IRF3: variants seen among roughly 807,000 people sequenced by gnomAD.
IRF3 encodes interferon regulatory factor 3.
Under a neutral mutation model 43.2 loss-of-function variants are expected in IRF3, and 29 were observed. The ratio of observed to expected loss-of-function variants is 0.67; its 90% confidence interval spans 0.50 to 0.91. The LOEUF is 0.91. Among genes scored for constraint, IRF3 ranks in the 40% least tolerant of loss-of-function variants. IRF3 has a pLI of 0.00. For missense variants in IRF3, 505 were observed against 559.1 expected (o/e 0.90, Z 0.98); for synonymous variants, 228 against 233.9 (o/e 0.97, Z 0.23).
chr19:49,662,112 G>A lies in IRF3; in HGVS notation c.818C>T (p.Ala273Val). 2 of 1,613,794 alleles carry A rather than the reference G, an allele frequency of 1.2e-6. No individual in the cohort carries two copies. The highest frequency in any genetic ancestry group is 1.7e-6 in the Non-Finnish European group (2 of 1,179,760). Residue 273 changes from alanine (A) to valine (V), a missense_variant, in exon 6 of 8, where the codon GCT becomes GTT. Coordinates refer to ENST00000377139, the MANE Select transcript of IRF3 (RefSeq NM_001571.6). ...HVLSCLGGGL[A>V]LWRAGQWLWA... ...GAGCCACTGCCCGGCCCGCCAGAGA[G>A]CCAGTCCCCCACCCAGGCAGCTCAG...
Position 49,663,479 on chromosome 19 carries a change from C to A in IRF3, c.201G>T (p.Gly67=). 1 of 1,614,218 alleles carries A rather than the reference C, an allele frequency of 6.2e-7. No homozygotes were observed. Among genetic ancestry groups the A allele is most frequent in the African/African-American group, 1.3e-5 (1 of 75,056 alleles). ...WAEATGAYVP[G]RDKPDLPTWK... is the part of the protein sequence containing the mutation. ...AGGTTGGCAGGTCTGGCTTATCCCT[C>A]CCGGGAACATATGCACCAGTGGCCT... is the stretch of plus-strand genomic sequence containing the variant. Residue 67 remains glycine (G), a synonymous_variant, in exon 3 of 8, where the codon GGG becomes GGT. Transcript: ENST00000377139.
At chr19:49,664,586 C>T in intron 2 of IRF3, 88 bp downstream of exon 2, 15 of 1,610,118 alleles carry the variant, frequency 9.3e-6, no homozygotes, top group Non-Finnish European at 1.3e-5. Flanking sequence ...TCGCGCGCCA[C>T]CTCCGCCTTC....
At chr19:49,664,974 C>G in intron 1 of IRF3, 128 bp from the exon 2 acceptor site, 1 of 1,010,388 alleles carries the variant, frequency 9.9e-7, no homozygotes, top group East Asian at 2.7e-5. Flanking sequence ...TTCGGGGGTA[C>G]AAACAGGAAA....
At chr19:49,663,584 G>A (rs1568462518) in intron 2 of IRF3, 70 bp from the exon 3 acceptor site, 3 of 1,471,822 alleles carry the variant, frequency 2.0e-6, no homozygotes, top group East Asian at 2.3e-5. Flanking sequence ...CCCTAACCCT[G>A]TCTCCCGAGT....
chr19:49,661,726 C>G, intron 6 of IRF3: 1 of 523,100 alleles, frequency 1.9e-6, no homozygotes, highest in Middle Eastern at 5.2e-4. Flanking sequence ...ATTACAGGCA[C>G]GTGCCACCAC....
Position 49,660,779 on chromosome 19 carries a change from G to A in IRF3, c.1032C>T (p.Leu344=). ...EGSGRSPRYA[L]WFCVGESWPQ... ...GCCATGACTCCCCCACACAGAACCA[G>A]AGGGCATAGCGTGGTGAGCGTCCGC... The change falls in exon 7 of 8, where the codon CTC becomes CTT. Residue 344 remains leucine, a synonymous_variant. Transcript: ENST00000377139. The A allele has an allele frequency of 6.2e-7, 1 of 1,611,156 alleles. No homozygotes were observed. Among genetic ancestry groups the A allele is most frequent in the Non-Finnish European group, 8.5e-7 (1 of 1,178,958 alleles).
intron 7 of IRF3, 58 bp from the exon 8 acceptor site, chr19:49,659,891 T>G (rs146184768): frequency 7.5e-5 from 115 of 1,527,978 alleles, no homozygotes; most frequent in Admixed American, 6.6e-4. Flanking sequence ...TCCACCAAGG[T>G]AGGAGTCAGG....
intron 1 of IRF3, chr19:49,665,420 T>G: frequency 5.4e-6 from 1 of 185,646 alleles, no homozygotes; most frequent in Non-Finnish European, 1.1e-5. Flanking sequence ...TAGAACCCCC[T>G]CAGTGTAGAC....
chr19:49,665,650 C>G lies in IRF3; in HGVS notation c.-28G>C. On this transcript the variant is annotated 5_prime_UTR_variant, in exon 1 of 8. Transcript: ENST00000377139. ...CGTTACCTACGATGGAAGGTCGGGG[C>G]GTGCGGGCAGCTGGAACCCACCCCT... 1.3e-6 allele frequency: 1 copy of G among 782,084 alleles called. No individual in the cohort carries two copies. The highest frequency in any genetic ancestry group is 2.0e-6 in the Non-Finnish European group (1 of 502,484). 48.4% of individuals were successfully genotyped at this position (782,084 alleles called of 1,614,324 possible). A position where few individuals can be genotyped will look rare whatever the true frequency, so the allele number is the denominator to read the frequency against.
At chr19:49,662,837 C>T (rs1278908481) in intron 4 of IRF3, among the ~76,000 whole-genome samples, 2 of 152,214 alleles carry the variant, frequency 1.3e-5, no homozygotes, top group Non-Finnish European at 2.9e-5. Context: ...TGGCTCTATG[C>T]AGGTAAGACC....
At chr19:49,661,660 A>G (rs964367729) in intron 6 of IRF3, 9 of 323,834 alleles carry the variant, frequency 2.8e-5, no homozygotes, top group Admixed American at 4.7e-5. Flanking sequence ...GCTCACTGCA[A>G]TCTCCGCCTC....
In IRF3 at chr19:49,661,952, A is replaced by G. The variant is rs1433710691; in HGVS notation, c.978T>C (p.Ile326=). The change falls in exon 6 of 8, where the codon ATT becomes ATC. Residue 326 remains isoleucine (I), a synonymous_variant. Transcript: ENST00000377139. ...CGAAGCCCCTGTCTCACTCACCTAC[A>G]ATGAAGGGCCCCAGGTCAAACACGC... ...EGGVFDLGPF[I]VDLITFTEGS... 1.9e-6 allele frequency: 3 copies of G among 1,605,468 alleles called. No individual in the cohort carries two copies. The highest frequency in any genetic ancestry group is 1.7e-5 in the Admixed American group (1 of 59,594).
rs776267698 is a variant in IRF3, at chr19:49,663,491, T to C, written c.189A>G (p.Ala63=). 19 of 1,614,022 alleles carry C rather than the reference T, an allele frequency of 1.2e-5. No homozygotes were observed. Among genetic ancestry groups the C allele is most frequent in the Middle Eastern group, 3.3e-4 (2 of 6,074 alleles). The change falls in exon 3 of 8, where the codon GCA becomes GCG. Residue 63 remains alanine (A), a synonymous_variant. Coordinates refer to ENST00000377139, the MANE Select transcript of IRF3 (RefSeq NM_001571.6). ...CTGGCTTATCCCTCCCGGGAACATA[T>C]GCACCAGTGGCCTCGGCCCAGGCCT... ...IFQAWAEATG[A]YVPGRDKPDL...
intron 7 of IRF3, 57 bp from the exon 8 acceptor site, chr19:49,659,890 G>A: frequency 6.5e-7 from 1 of 1,528,670 alleles, no homozygotes; most frequent in Non-Finnish European, 8.8e-7. Context: ...GTCCACCAAG[G>A]TAGGAGTCAG....
chr19:49,661,883 C>A, intron 6 of IRF3, 65 bp downstream of exon 6: 1 of 1,529,624 alleles, frequency 6.5e-7, no homozygotes, highest in Non-Finnish European at 8.8e-7. Flanking sequence ...CCGGCCAATC[C>A]TGAGTTGTTA....
In IRF3 at chr19:49,662,716, C is replaced by G. The variant is rs944058762; in HGVS notation, c.409-99G>C. ...TTCTCAGCAACGCAGGGAGGTCAGG[C>G]TTGAGCTCTGCCTTCAAGGGGCTTC... On this transcript the variant is annotated intron_variant, in intron 4 of 7. Coordinates refer to ENST00000377139, the MANE Select transcript of IRF3 (RefSeq NM_001571.6). 3 of 1,012,920 alleles carry G rather than the reference C, an allele frequency of 3.0e-6. No individual in the cohort carries two copies. In the Admixed American group the frequency reaches 8.8e-5, roughly 30 times the overall value. The allele number at this position is 1,012,920 out of a possible 1,614,324, so 62.7% of individuals were successfully genotyped here. A position where few individuals can be genotyped will look rare whatever the true frequency, so the allele number is the denominator to read the frequency against.
In IRF3 at chr19:49,662,408, C is replaced by T; in HGVS notation, c.601+17G>A. On this transcript the variant is annotated intron_variant, in intron 5 of 7. Coordinates refer to ENST00000377139, the MANE Select transcript of IRF3 (RefSeq NM_001571.6). ...CCGCCCAGACCTCAGCCCTCCCAGC[C>T]TGCAGCTGACACTCACCTTCCCCCG... The T allele has an allele frequency of 1.3e-6, 2 of 1,593,292 alleles. No homozygotes were observed. Among genetic ancestry groups the T allele is most frequent in the Non-Finnish European group, 1.7e-6 (2 of 1,169,196 alleles).
In IRF3 at chr19:49,660,752, G is replaced by T; in HGVS notation, c.1059C>A (p.Pro353=). Residue 353 remains proline (P), a synonymous_variant, in exon 7 of 8, where the codon CCC becomes CCA. Coordinates refer to ENST00000377139, the MANE Select transcript of IRF3 (RefSeq NM_001571.6). ...ALWFCVGESW[P]QDQPWTKRLV... ...GCCTCTTGGTCCACGGCTGGTCCTG[G>T]GGCCATGACTCCCCCACACAGAACC... is the stretch of plus-strand genomic sequence containing the variant. 1 of 1,610,384 alleles carries T rather than the reference G, an allele frequency of 6.2e-7. No individual in the cohort carries two copies.
rs371768202 is a variant in IRF3 at position 49,664,830 on chromosome 19, G to A, written c.9C>T (p.Thr3=). 2 of 1,612,508 alleles carry A rather than the reference G, an allele frequency of 1.2e-6. No individual in the cohort carries two copies. The highest frequency in any genetic ancestry group is 8.5e-7 in the Non-Finnish European group (1 of 1,179,440). The change falls in exon 2 of 8, where the codon ACC becomes ACT. Residue 3 remains threonine, a synonymous_variant. Coordinates refer to ENST00000377139, the MANE Select transcript of IRF3 (RefSeq NM_001571.6). ...GCCAGGGCAGGATCCGTGGCTTTGGGGTTCCCATGGTCCGGCCTGCGCGTA... is the reference window on the plus strand; with the variant it reads ...GCCAGGGCAGGATCCGTGGCTTTGGAGTTCCCATGGTCCGGCCTGCGCGTA... MG[T]PKPRILPWLV...
Sources: gnomAD v4.1 joint callset for allele counts (sites outside exome capture counted in the v4.1 genomes callset) on GRCh38, gnomAD v4.1.1 for gene constraint, MANE v1.5 for transcripts, NCBI Gene and HGNC (gene_info 2026-07-23, HGNC 2026-07-21) for gene names.